MCMBP: variants seen among roughly 807,000 people sequenced by gnomAD.
MCMBP encodes the protein minichromosome maintenance complex binding protein, also known as mini-chromosome maintenance complex-binding protein.
Under a neutral mutation model 81.3 loss-of-function variants are expected in MCMBP, and 31 were observed. That is an observed-to-expected ratio of 0.38 (90% CI 0.29 to 0.51). The LOEUF (loss-of-function observed/expected upper bound fraction) is 0.51, where lower values mean the gene tolerates loss of function less well. Ranked by LOEUF, MCMBP falls within the 20% of genes least tolerant of loss-of-function variation. The probability of loss-of-function intolerance (pLI) is 0.87; values close to 1 mark genes in which losing one functional copy is unlikely to be tolerated. For synonymous variants in MCMBP, 267 were observed against 275.9 expected, an observed-to-expected ratio of 0.97 and a Z score of 0.32; for missense variants, 645 against 772.1, an observed-to-expected ratio of 0.84 and a Z score of 1.95.
At position 119,831,385 on chromosome 10, in the gene MCMBP, C is replaced by T. The variant is rs1852029092; in HGVS notation, c.*89G>A. On this transcript the variant is annotated 3_prime_UTR_variant, in exon 16 of 16. Coordinates refer to ENST00000369077, the MANE Select transcript of MCMBP (RefSeq NM_001256378.2). Reference sequence around the variant, plus strand: ...TGTCACTGGTTTGTGATAGAAATTACCTATAAAACAATGTGGTATAAATGA... The same window carrying T: ...TGTCACTGGTTTGTGATAGAAATTATCTATAAAACAATGTGGTATAAATGA... 2.0e-6 allele frequency: 3 copies of T among 1,485,148 alleles called. No individual in the cohort carries two copies. Among genetic ancestry groups the T allele is most frequent in the Non-Finnish European group, 2.8e-6 (3 of 1,086,030 alleles). 92.0% of individuals were successfully genotyped at this position (1,485,148 alleles called of 1,614,324 possible). A position where few individuals can be genotyped will look rare whatever the true frequency, so the allele number is the denominator to read the frequency against.
At chr10:119,869,072 A>G (rs1263284074) in intron 1 of MCMBP, among the ~76,000 whole-genome samples, 1 of 152,202 alleles carries the variant, frequency 6.6e-6, no homozygotes, top group African/African-American at 2.4e-5. Context: ...GCAAGACTGG[A>G]GGCAAGAAAC....
rs1028830989 is a variant in MCMBP, at chr10:119,830,488, T to C, written c.*986A>G. 2 of 152,168 alleles carry C rather than the reference T, an allele frequency of 1.3e-5. No homozygotes were observed. Among genetic ancestry groups the C allele is most frequent in the African/African-American group, 2.4e-5 (1 of 41,444 alleles). The allele number at this position is 152,168 out of a possible 1,614,324, so 9.4% of individuals were successfully genotyped here. A position where few individuals can be genotyped will look rare whatever the true frequency, so the allele number is the denominator to read the frequency against. On this transcript the variant is annotated 3_prime_UTR_variant, in exon 16 of 16. Transcript: ENST00000369077. ...CCCATAAAAAATGCCAAAAATCCAA[T>C]AGAATCAAAGCAACTCAATGACATT...
At position 119,835,640 on chromosome 10, in the gene MCMBP, C is replaced by T. The variant is rs1455462950; in HGVS notation, c.1607G>A (p.Ser536Asn). 1 of 1,614,226 alleles carries T rather than the reference C, an allele frequency of 6.2e-7. No individual in the cohort carries two copies. The highest frequency in any genetic ancestry group is 1.7e-5 in the Admixed American group (1 of 60,028). ...IPPNMEEYMN[S>N]LLSAVLPSVL... ...GGAAGGCAGCACCGCTGAGAGAAGGCTGTTCATGTACTCCTCCATGTTTGG... is the reference window on the plus strand; with the variant it reads ...GGAAGGCAGCACCGCTGAGAGAAGGTTGTTCATGTACTCCTCCATGTTTGG... The change falls in exon 14 of 16, where the codon AGC becomes AAC. Residue 536 changes from serine (S) to asparagine (N), a missense_variant. Transcript: ENST00000369077.
At position 119,857,211 on chromosome 10, in the gene MCMBP, G is replaced by GT. The variant is rs1029455669; in HGVS notation, c.429+126dup. ...GACAAATACTTAGCCCGTTTTATGG[G>GT]TTTTCTCAATTAGAACAAATGAAAC... On this transcript the variant is annotated intron_variant, in intron 5 of 15. Transcript: ENST00000369077. 17 of 607,230 alleles carry GT rather than the reference G, an allele frequency of 2.8e-5. No homozygotes were observed. In the African/African-American group the frequency reaches 3.2e-4, roughly 11 times the overall value. 37.6% of individuals were successfully genotyped at this position (607,230 alleles called of 1,614,324 possible). A position where few individuals can be genotyped will look rare whatever the true frequency, so the allele number is the denominator to read the frequency against.
intron 12 of MCMBP, 83 bp from the exon 13 acceptor site, chr10:119,837,112 TG>T: frequency 3.5e-6 from 5 of 1,417,694 alleles, no homozygotes; most frequent in Admixed American, 1.9e-5. Context: ...TGATGAGCCA[TG>T]AAGTTTCTAC....
At chr10:119,869,963 C>T (rs992015394) in intron 1 of MCMBP, among the ~76,000 whole-genome samples, 3 of 152,178 alleles carry the variant, frequency 2.0e-5, no homozygotes, top group African/African-American at 7.2e-5. Flanking sequence ...AGCTACTGAG[C>T]ACTTGAAATG....
intron 1 of MCMBP, among the ~76,000 whole-genome samples, chr10:119,872,086 A>G (rs1053699260): frequency 1.3e-5 from 2 of 152,144 alleles, no homozygotes; most frequent in African/African-American, 2.4e-5. Context: ...TCCCCGACGC[A>G]CCGGAAGTTT....
chr10:119,862,507 CCAACA>C (rs1395778271), intron 1 of MCMBP, among the ~76,000 whole-genome samples: 1 of 152,142 alleles, frequency 6.6e-6, no homozygotes, highest in Non-Finnish European at 1.5e-5. Context: ...ATAGGACTCC[CCAACA>C]CATTTGTATA....
chr10:119,841,945 C>G (rs1047687187), intron 10 of MCMBP, among the ~76,000 whole-genome samples: 3 of 152,158 alleles, frequency 2.0e-5, no homozygotes, highest in African/African-American at 7.2e-5. Context: ...GGCCGTGGAC[C>G]AGTACTGGTT....
At chr10:119,834,400 C>G (rs974247369) in intron 14 of MCMBP, among the ~76,000 whole-genome samples, 1 of 152,078 alleles carries the variant, frequency 6.6e-6, no homozygotes, top group African/African-American at 2.4e-5. Context: ...TCAGTAGAAA[C>G]CAGAGGCCAG....
chr10:119,864,832 T>G (rs1164351564), intron 1 of MCMBP, among the ~76,000 whole-genome samples: 1 of 152,228 alleles, frequency 6.6e-6, no homozygotes, highest in African/African-American at 2.4e-5. Flanking sequence ...AGTTTTCATT[T>G]TGGTTTAGTT....
chr10:119,853,790 T>C (rs1469026277), intron 5 of MCMBP, among the ~76,000 whole-genome samples: 3 of 152,208 alleles, frequency 2.0e-5, no homozygotes, highest in Non-Finnish European at 2.9e-5. Context: ...CTGGAAGTAG[T>C]ATAATACTAT....
intron 1 of MCMBP, among the ~76,000 whole-genome samples, chr10:119,869,272 C>T (rs1014797583): frequency 2.0e-5 from 3 of 151,906 alleles, no homozygotes; most frequent in Non-Finnish European, 4.4e-5. Flanking sequence ...CCTGTCTCTA[C>T]TAAAAATACA....
chr10:119,857,208 T>C (rs1853085412), intron 5 of MCMBP, 130 bp downstream of exon 5: 1 of 586,386 alleles, frequency 1.7e-6, no homozygotes. Context: ...GCCCGTTTTA[T>C]GGGTTTTCTC....
chr10:119,853,044 C>A lies in MCMBP; in HGVS notation c.574+6G>T. On this transcript the variant is annotated splice_donor_region_variant and intron_variant, in intron 6 of 15. Transcript: ENST00000369077. ...AGTCTAGAGAAAACCTGTTGGCACA[C>A]ACTACCTGCTTGTCTGGCACCTGCA... 1 of 1,613,906 alleles carries A rather than the reference C, an allele frequency of 6.2e-7. No individual in the cohort carries two copies. Among genetic ancestry groups the A allele is most frequent in the Non-Finnish European group, 8.5e-7 (1 of 1,179,862 alleles).
In MCMBP at chr10:119,840,971, A is replaced by C. The variant is rs555043634; in HGVS notation, c.1125-11T>G. On this transcript the variant is annotated splice_polypyrimidine_tract_variant and intron_variant, in intron 10 of 15. Transcript: ENST00000369077. ...TCTCTTCTTGTATATCTAGAAAAGA[A>C]AGAAATCAATCAATAAGATGCTGAA... 29 of 1,470,208 alleles carry C rather than the reference A, an allele frequency of 2.0e-5. 1 individual carries two copies. The Admixed American group carries it at 4.7e-4, about 24-fold the overall frequency. 91.1% of individuals were successfully genotyped at this position (1,470,208 alleles called of 1,614,324 possible).
chr10:119,835,839 G>GT (rs917627731), intron 13 of MCMBP, 135 bp from the exon 14 acceptor site: 4,150 of 930,248 alleles, frequency 4.5e-3, no homozygotes, highest in East Asian at 5.6e-3. Context: ...AGGGAATAAT[G>GT]TTTTTTTTTC....
At chr10:119,855,739 G>T (rs1053872300) in intron 5 of MCMBP, among the ~76,000 whole-genome samples, 3 of 151,858 alleles carry the variant, frequency 2.0e-5, no homozygotes, top group African/African-American at 7.3e-5. Context: ...AAGCAGAAAT[G>T]GATGAAGCAG....
At position 119,842,531 on chromosome 10, in the gene MCMBP, A is replaced by G. The variant is rs1429326022; in HGVS notation, c.1065T>C (p.His355=). 6.2e-7 allele frequency: 1 copy of G among 1,613,822 alleles called. No individual in the cohort carries two copies. The highest frequency in any genetic ancestry group is 8.5e-7 in the Non-Finnish European group (1 of 1,179,886). The change falls in exon 10 of 16, where the codon CAT becomes CAC. Residue 355 remains histidine, a synonymous_variant. Coordinates refer to ENST00000369077, the MANE Select transcript of MCMBP (RefSeq NM_001256378.2). ...VRAELLGFLT[H]ALLGDSLAAE... ...CAGCCAAACTATCCCCCAGAAGGGC[A>G]TGAGTAAGGAACCCAAGAAGTTCTG...
Sources: allele counts gnomAD v4.1 joint callset (sites outside exome capture counted in the v4.1 genomes callset), GRCh38; gene constraint gnomAD v4.1.1; transcripts MANE v1.5; gene names NCBI Gene and HGNC (gene_info 2026-07-23, HGNC 2026-07-21).